LDLRAD3: variants seen among roughly 807,000 people sequenced by gnomAD.
LDLRAD3 encodes low-density lipoprotein receptor class A domain-containing protein 3.
In LDLRAD3, 20 loss-of-function variants were observed where a neutral mutation model predicts 29.4. The ratio of observed to expected loss-of-function variants is 0.68; its 90% CI spans 0.48 to 0.99. The LOEUF (loss-of-function observed/expected upper bound fraction) is 0.99, where lower values mean the gene tolerates loss of function less well. Among genes scored for constraint, LDLRAD3 ranks in the 50% least tolerant of loss-of-function variants. LDLRAD3 has a pLI of 0.00. For synonymous variants in LDLRAD3, 157 were observed against 192.7 expected, an observed-to-expected ratio of 0.81 and a Z score of 1.53; for missense variants, 420 against 454.3, an observed-to-expected ratio of 0.92 and a Z score of 0.69.
intron 4 of LDLRAD3, among the ~76,000 whole-genome samples, chr11:36,168,024 G>A (rs1854540206): frequency 6.6e-6 from 1 of 152,172 alleles, no homozygotes; most frequent in African/African-American, 2.4e-5. Context: ...TCCCGAGTTG[G>A]TCTGAAAACG....
intron 4 of LDLRAD3, among the ~76,000 whole-genome samples, chr11:36,102,400 CAGAA>C (rs1419795178): frequency 6.6e-6 from 1 of 152,086 alleles, no homozygotes; most frequent in Non-Finnish European, 1.5e-5. Flanking sequence ...GCTCCAAGAC[CAGAA>C]AGAGAGTGCT....
intron 4 of LDLRAD3, among the ~76,000 whole-genome samples, chr11:36,186,776 A>G (rs997384212): frequency 1.3e-5 from 2 of 151,666 alleles, no homozygotes; most frequent in African/African-American, 4.9e-5. Flanking sequence ...ATGCACTTGC[A>G]TATGGCTATG....
At chr11:36,073,617 G>A (rs887075330) in intron 2 of LDLRAD3, among the ~76,000 whole-genome samples, 7 of 152,230 alleles carry the variant, frequency 4.6e-5, no homozygotes, top group African/African-American at 9.6e-5. Flanking sequence ...GCACTCGGCT[G>A]GTTGCCTGTG....
At chr11:36,140,271 T>C (rs900257157) in intron 4 of LDLRAD3, among the ~76,000 whole-genome samples, 13 of 152,164 alleles carry the variant, frequency 8.5e-5, no homozygotes, top group Non-Finnish European at 1.8e-4. Context: ...TAAACCAAAA[T>C]GGCAGGACCC....
chr11:35,983,509 C>CAA (rs1318103058), intron 1 of LDLRAD3, among the ~76,000 whole-genome samples: 1 of 152,194 alleles, frequency 6.6e-6, no homozygotes, highest in East Asian at 1.9e-4. Flanking sequence ...GCTGGCTTAC[C>CAA]GTTCAGATGG....
At chr11:36,224,402 G>A (rs538755818) in intron 4 of LDLRAD3, among the ~76,000 whole-genome samples, 43 of 152,232 alleles carry the variant, frequency 2.8e-4, no homozygotes, top group African/African-American at 1.0e-3. Context: ...ATAAAATAAA[G>A]AAGTTATTTT....
intron 3 of LDLRAD3, among the ~76,000 whole-genome samples, chr11:36,092,237 C>A (rs952579723): frequency 1.3e-5 from 2 of 152,078 alleles, no homozygotes; most frequent in Non-Finnish European, 1.5e-5. Context: ...CTTTTTAGAA[C>A]CTTCTAGTCT....
chr11:36,195,965 C>G (rs16928510), intron 4 of LDLRAD3, among the ~76,000 whole-genome samples: 13,327 of 151,052 alleles, frequency 0.088, 610 homozygotes, highest in East Asian at 0.19. Context: ...TCACCTGATT[C>G]AAGGACATAC....
intron 4 of LDLRAD3, among the ~76,000 whole-genome samples, chr11:36,131,816 C>T (rs146765638): frequency 6.6e-6 from 1 of 152,272 alleles, no homozygotes; most frequent in Non-Finnish European, 1.5e-5. Flanking sequence ...GTCTATATCA[C>T]ACATCTTGCC....
chr11:36,117,526 T>A (rs1296606359), intron 4 of LDLRAD3, among the ~76,000 whole-genome samples: 1 of 152,244 alleles, frequency 6.6e-6, no homozygotes, highest in Non-Finnish European at 1.5e-5. Context: ...CAGTAATGTA[T>A]TTTGGATCTG....
chr11:36,102,984 T>G (rs1853472103), intron 4 of LDLRAD3, among the ~76,000 whole-genome samples: 1 of 152,182 alleles, frequency 6.6e-6, no homozygotes. Context: ...TGTGTCAAAA[T>G]TTGTCTACTG....
intron 4 of LDLRAD3, among the ~76,000 whole-genome samples, chr11:36,108,092 C>T (rs773855734): frequency 4.6e-5 from 7 of 151,986 alleles, no homozygotes; most frequent in Non-Finnish European, 8.8e-5. Flanking sequence ...GGGCAGATCA[C>T]GAGGTCAGGA....
At chr11:36,168,483 G>GT (rs1854547066) in intron 4 of LDLRAD3, among the ~76,000 whole-genome samples, 1 of 137,344 alleles carries the variant, frequency 7.3e-6, no homozygotes, top group Non-Finnish European at 1.6e-5. Context: ...ATTTTATTCC[G>GT]TTTTTTTCTT....
chr11:36,119,116 TA>T (rs1422460402), intron 4 of LDLRAD3, among the ~76,000 whole-genome samples: 1 of 151,970 alleles, frequency 6.6e-6, no homozygotes, highest in Non-Finnish European at 1.5e-5. Flanking sequence ...AAATAAAAAA[TA>T]AAAAAGGTTC....
chr11:36,183,311 G>T (rs1212306168), intron 4 of LDLRAD3, among the ~76,000 whole-genome samples: 1 of 135,298 alleles, frequency 7.4e-6, no homozygotes, highest in African/African-American at 2.6e-5. Context: ...AGCAGAACTA[G>T]GGTGTGATTA....
At chr11:36,124,034 G>A (rs77173979) in intron 4 of LDLRAD3, among the ~76,000 whole-genome samples, 6,543 of 152,308 alleles carry the variant, frequency 0.043, 391 homozygotes, top group African/African-American at 0.13. Context: ...CTGCAAATAA[G>A]ATGTCAGGGA....
chr11:36,035,796 G>A (rs1410464403), intron 1 of LDLRAD3, among the ~76,000 whole-genome samples: 1 of 152,152 alleles, frequency 6.6e-6, no homozygotes. Context: ...CTGATGGCCA[G>A]AAAAGAACAT....
In LDLRAD3 at chr11:35,944,363, G is replaced by A. The variant is rs1485374191; in HGVS notation, c.46+219G>A. On this transcript the variant is annotated intron_variant, in intron 1 of 5. Coordinates refer to ENST00000315571, the MANE Select transcript of LDLRAD3 (RefSeq NM_174902.4). The surrounding 1 kb of genome is among the most constrained non-coding windows in gnomAD (Gnocchi z 4.9). ...ATTGTGTGGGCGTGCGCGCCGGGTC[G>A]TGTTGTGCTGTGTGCGCGGGCGGGG... Among the ~76,000 whole-genome samples the A allele has an allele frequency of 3.3e-5, 5 of 152,042 alleles. No homozygotes were observed. The highest frequency in any genetic ancestry group is 1.2e-4 in the African/African-American group (5 of 41,436).
intron 4 of LDLRAD3, among the ~76,000 whole-genome samples, chr11:36,114,320 G>A (rs1347194183): frequency 2.0e-5 from 3 of 152,286 alleles, no homozygotes; most frequent in East Asian, 1.9e-4. Flanking sequence ...GGTGCCAACC[G>A]GGAGAAATCT....
Sources: allele counts gnomAD v4.1 joint callset (sites outside exome capture counted in the v4.1 genomes callset), GRCh38; gene constraint gnomAD v4.1.1; non-coding constraint Gnocchi (gnomAD v3.1); transcripts MANE v1.5; gene names NCBI Gene and HGNC (gene_info 2026-07-23, HGNC 2026-07-21).